The following PPP1CB variants were observed in gnomAD, a reference collection of about 807,000 sequenced individuals.
PPP1CB encodes serine/threonine-protein phosphatase PP1-beta catalytic subunit.
PPP1CB carries 2 observed loss-of-function variants against 43.7 expected under a neutral mutation model. The observed-to-expected ratio is 0.05, with a 90% CI of 0.02 to 0.14. PPP1CB has a LOEUF of 0.14. Among genes scored for constraint, PPP1CB ranks in the 10% least tolerant of loss-of-function variants. The pLI is 1.00. For missense variants in PPP1CB, 84 were observed against 398.0 expected, an observed-to-expected ratio of 0.21 and a Z score of 6.71; for synonymous variants, 136 against 135.6, an observed-to-expected ratio of 1.00 and a Z score of -0.02.
chr2:28,781,792 G>C lies in PPP1CB; in HGVS notation c.470G>C (p.Cys157Ser). The stretch of plus-strand genomic sequence containing the variant: ...AAGACCTTCACTGATTGTTTTAACT[G>C]TCTGCCTATAGCAGCCATTGTGGAT... ...LWKTFTDCFN[C>S]LPIAAIVDEK... The change falls in exon 4 of 8, where the codon TGT becomes TCT. Residue 157 changes from cysteine to serine, a missense_variant. Physicochemically the swap from Cys to Ser is moderately radical, Grantham distance 112. Around this residue, in one of 5 missense-constraint regions of PPP1CB, gnomAD observed 28 missense variants for 234.2 expected, o/e 0.12. Coordinates refer to ENST00000395366, the MANE Select transcript of PPP1CB (RefSeq NM_002709.3). The C allele has an allele frequency of 6.2e-7, 1 of 1,612,608 alleles. No individual in the cohort carries two copies. The highest frequency in any genetic ancestry group is 8.5e-7 in the Non-Finnish European group (1 of 1,179,360).
intron 1 of PPP1CB, among the ~76,000 whole-genome samples, chr2:28,760,421 A>G (rs1199999061): frequency 6.6e-6 from 1 of 152,236 alleles, no homozygotes; most frequent in Non-Finnish European, 1.5e-5. Context: ...TAGATATACA[A>G]GCACATTGTG....
At chr2:28,786,288 A>G (rs1667264217) in intron 5 of PPP1CB, among the ~76,000 whole-genome samples, 2 of 151,994 alleles carry the variant, frequency 1.3e-5, no homozygotes, top group East Asian at 1.9e-4. Context: ...TAATTTTTGT[A>G]TGTTTAATAG....
At chr2:28,798,390 CTG>C (rs2148063456) in intron 7 of PPP1CB, among the ~76,000 whole-genome samples, 1 of 152,156 alleles carries the variant, frequency 6.6e-6, no homozygotes, top group Non-Finnish European at 1.5e-5. Context: ...CACACAAAAA[CTG>C]TTACATAAAT....
chr2:28,762,777 C>T (rs1355299436), intron 1 of PPP1CB, among the ~76,000 whole-genome samples: 1 of 152,142 alleles, frequency 6.6e-6, no homozygotes, highest in African/African-American at 2.4e-5. Context: ...CTGAGTTATG[C>T]AGATGTCCAG....
chr2:28,769,064 A>T (rs895127882), intron 1 of PPP1CB, among the ~76,000 whole-genome samples: 2 of 152,256 alleles, frequency 1.3e-5, no homozygotes, highest in African/African-American at 4.8e-5. Flanking sequence ...CATAGCTGCT[A>T]GAAATCCAAG....
At chr2:28,778,730 G>A (rs1177868312) in intron 2 of PPP1CB, 79 bp from the exon 3 acceptor site, 5 of 902,008 alleles carry the variant, frequency 5.5e-6, no homozygotes, top group Non-Finnish European at 8.8e-6. Flanking sequence ...TACACAGGAT[G>A]TGAACATTGG....
intron 5 of PPP1CB, 31 bp from the exon 6 acceptor site, chr2:28,788,627 T>C (rs753938431): frequency 5.0e-6 from 8 of 1,600,666 alleles, no homozygotes; most frequent in Non-Finnish European, 6.8e-6. Context: ...GTAAATTTTG[T>C]TCTTAATTGC....
At chr2:28,794,768 A>AT (rs1487485995) in intron 7 of PPP1CB, among the ~76,000 whole-genome samples, 6 of 152,072 alleles carry the variant, frequency 3.9e-5, no homozygotes, top group African/African-American at 1.4e-4. Context: ...AGGAACATTT[A>AT]TTTATTTATT....
chr2:28,797,130 T>C (rs1667512055), intron 7 of PPP1CB, among the ~76,000 whole-genome samples: 1 of 152,164 alleles, frequency 6.6e-6, no homozygotes, highest in African/African-American at 2.4e-5. Context: ...CCCTTCTTGA[T>C]TGTGGTGAGT....
At chr2:28,771,055 C>CCCT (rs1558302176) in intron 1 of PPP1CB, among the ~76,000 whole-genome samples, 52 of 59,582 alleles carry the variant, frequency 8.7e-4, no homozygotes, top group Non-Finnish European at 1.1e-3. Flanking sequence ...CCCCCCCACC[C>CCCT]TTTTTTTTTT....
rs929158522 is a variant in PPP1CB, at chr2:28,767,755, A to G, written c.53-9096A>G. 4.6e-5 allele frequency among the ~76,000 whole-genome samples: 7 copies of G among 152,218 alleles called. 1 individual carries two copies. The South Asian group carries it at 1.0e-3, about 23-fold the overall frequency. ...GTTTCATATAATTTTTATATGTCAC[A>G]GAGGATTCTTTTGTTTTGCTTTTTT... On this transcript the variant is annotated intron_variant, in intron 1 of 7. Transcript: ENST00000395366.
At chr2:28,751,811 G>A (rs1201975560), upstream of PPP1CB, 5 of 449,486 alleles carry the variant, frequency 1.1e-5, no homozygotes, top group East Asian at 2.1e-4. Context: ...TGGGGCCGTC[G>A]GCGGCGCTGG....
chr2:28,782,579 GAAGTT>G (rs1162986141), intron 4 of PPP1CB: 2 of 152,284 alleles, frequency 1.3e-5, no homozygotes, highest in Non-Finnish European at 1.5e-5. Context: ...AGGCTTTGGA[GAAGTT>G]AAAAGGACTT....
At chr2:28,765,621 TA>T in intron 1 of PPP1CB, among the ~76,000 whole-genome samples, 1 of 152,358 alleles carries the variant, frequency 6.6e-6, no homozygotes, top group East Asian at 1.9e-4. Context: ...GGGTTATGTA[TA>T]AAGCAGTTTG....
intron 6 of PPP1CB, among the ~76,000 whole-genome samples, chr2:28,791,327 T>G (rs944795478): frequency 5.9e-5 from 9 of 152,022 alleles, no homozygotes; most frequent in Admixed American, 5.2e-4. Flanking sequence ...AGTTTTTTGT[T>G]GTTGTTGTTT....
intron 4 of PPP1CB, among the ~76,000 whole-genome samples, chr2:28,783,527 G>A (rs1204228438): frequency 6.6e-6 from 1 of 152,124 alleles, no homozygotes; most frequent in Non-Finnish European, 1.5e-5. Flanking sequence ...GGAGGCCAAG[G>A]TGGTTGGATC....
At chr2:28,755,104 G>A (rs531186734) in intron 1 of PPP1CB, among the ~76,000 whole-genome samples, 35 of 151,950 alleles carry the variant, frequency 2.3e-4, no homozygotes, top group African/African-American at 3.9e-4. Context: ...GCTGGAGTGC[G>A]GTGGGGTGAT....
intron 1 of PPP1CB, among the ~76,000 whole-genome samples, chr2:28,762,601 G>A (rs1216556588): frequency 6.6e-6 from 1 of 152,120 alleles, no homozygotes; most frequent in African/African-American, 2.4e-5. Flanking sequence ...ATCAGCAAGT[G>A]GTGGTTTTTT....
rs573334672 is a variant in PPP1CB, at chr2:28,766,139, C to G, written c.53-10712C>G. Among the ~76,000 whole-genome samples, 4 of 152,184 alleles carry G rather than the reference C, an allele frequency of 2.6e-5. No homozygotes were observed. In the South Asian group the frequency reaches 8.3e-4, roughly 32 times the overall value. ...GCCGCAAAATTTAATTTCTAAAACT[C>G]TTCTGTGTTTGGTAATAGTGATTGA... On this transcript the variant is annotated intron_variant, in intron 1 of 7. Transcript: ENST00000395366.
Sources: allele counts gnomAD v4.1 joint callset (sites outside exome capture counted in the v4.1 genomes callset), GRCh38; gene constraint gnomAD v4.1.1; regional missense constraint gnomAD v4.1.1; transcripts MANE v1.5; gene names NCBI Gene and HGNC (gene_info 2026-07-23, HGNC 2026-07-21).